CERKL: variants seen among roughly 807,000 people sequenced by gnomAD.
CERKL encodes the protein CERK like autophagy regulator.
In CERKL, 61 loss-of-function variants were observed where a neutral mutation model predicts 63.4. The ratio of observed to expected loss-of-function variants is 0.96; its 90% confidence interval spans 0.78 to 1.19. The LOEUF (loss-of-function observed/expected upper bound fraction) is 1.19. Among genes scored for constraint, CERKL ranks in the 50% most tolerant of loss-of-function variants. The probability of loss-of-function intolerance (pLI) is 0.00; values close to 1 mark genes in which losing one functional copy is unlikely to be tolerated. For synonymous variants in CERKL, 250 were observed against 230.5 expected (o/e 1.08, Z -0.77); for missense variants, 675 against 655.5 (o/e 1.03, Z -0.33).
At chr2:181,592,228 G>A (rs562646336) in intron 2 of CERKL, among the ~76,000 whole-genome samples, 159 of 152,116 alleles carry the variant, frequency 1.0e-3, no homozygotes, top group Non-Finnish European at 1.6e-3. Context: ...CTGATTTAAT[G>A]TTATAAACAT....
intron 8 of CERKL, 77 bp downstream of exon 8, chr2:181,548,468 G>C: frequency 9.3e-7 from 1 of 1,074,964 alleles, no homozygotes; most frequent in South Asian, 1.3e-5. Context: ...AAGATCCTAA[G>C]TCTGATCAAT....
At chr2:181,566,815 G>A (rs1332246823) in intron 3 of CERKL, among the ~76,000 whole-genome samples, 1 of 152,102 alleles carries the variant, frequency 6.6e-6, no homozygotes, top group Non-Finnish European at 1.5e-5. Flanking sequence ...CACTGCAGAT[G>A]GCACCAAGCA....
chr2:181,603,143 C>A, intron 2 of CERKL: 1 of 262,508 alleles, frequency 3.8e-6, no homozygotes, highest in Admixed American at 3.9e-5. Flanking sequence ...AGGTAATTCT[C>A]AATTACCAGA....
intron 1 of CERKL, among the ~76,000 whole-genome samples, chr2:181,647,438 C>T (rs1322769220): frequency 6.6e-6 from 1 of 152,186 alleles, no homozygotes; most frequent in African/African-American, 2.4e-5. Context: ...CATGACATGC[C>T]TGTCCCTAGC....
chr2:181,641,662 G>A (rs1349121184), intron 1 of CERKL, among the ~76,000 whole-genome samples: 1 of 152,130 alleles, frequency 6.6e-6, no homozygotes, highest in Non-Finnish European at 1.5e-5. Context: ...AACTTGGGAA[G>A]AAAGTAAACA....
chr2:181,552,507 G>T (rs1027980453), intron 5 of CERKL, among the ~76,000 whole-genome samples: 1 of 152,136 alleles, frequency 6.6e-6, no homozygotes, highest in Non-Finnish European at 1.5e-5. Flanking sequence ...CACCATGGTT[G>T]TAAGTTTCCT....
intron 1 of CERKL, among the ~76,000 whole-genome samples, chr2:181,619,428 T>G (rs528826577): frequency 6.6e-6 from 1 of 152,238 alleles, no homozygotes; most frequent in East Asian, 1.9e-4. Context: ...CTCCTGAGCC[T>G]CAGATTATGG....
intron 2 of CERKL, among the ~76,000 whole-genome samples, chr2:181,602,298 T>C (rs1685490091): frequency 1.3e-5 from 2 of 152,176 alleles, no homozygotes; most frequent in Non-Finnish European, 2.9e-5. Flanking sequence ...AAATGACATA[T>C]CCTTATTTTA....
chr2:181,554,776 G>A (rs1245367524), intron 5 of CERKL, among the ~76,000 whole-genome samples: 1 of 152,064 alleles, frequency 6.6e-6, no homozygotes, highest in Non-Finnish European at 1.5e-5. Context: ...GAGGCAAATG[G>A]CTTCAAAGGC....
chr2:181,650,105 G>T (rs1238403863), intron 1 of CERKL: 1 of 67,530 alleles, frequency 1.5e-5, no homozygotes, highest in Non-Finnish European at 2.8e-5. Flanking sequence ...GAGGGAGGGA[G>T]GGAGGGAGGA....
intron 4 of CERKL, among the ~76,000 whole-genome samples, chr2:181,562,535 G>T (rs1688492579): frequency 6.6e-6 from 1 of 152,044 alleles, no homozygotes; most frequent in Admixed American, 6.6e-5. Flanking sequence ...AAGGCAAAAA[G>T]CAAAGTATTC....
At chr2:181,640,962 A>G (rs1460587123) in intron 1 of CERKL, among the ~76,000 whole-genome samples, 1 of 152,172 alleles carries the variant, frequency 6.6e-6, no homozygotes, top group Non-Finnish European at 1.5e-5. Context: ...AGGGTCCACA[A>G]AAGTAGATCA....
chr2:181,551,904 T>C (rs1362081687), intron 5 of CERKL, among the ~76,000 whole-genome samples: 1 of 152,214 alleles, frequency 6.6e-6, no homozygotes, highest in African/African-American at 2.4e-5. Flanking sequence ...CAAACATTTC[T>C]AATTTTGTAG....
rs1193908052 is a variant in CERKL at position 181,558,973 on chromosome 2, C to A, written c.678-265G>T. Among the ~76,000 whole-genome samples, 5 of 152,114 alleles carry A rather than the reference C, an allele frequency of 3.3e-5. No individual in the cohort carries two copies. Among genetic ancestry groups the A allele is most frequent in the African/African-American group, 9.7e-5 (4 of 41,442 alleles). ...GTTAAGAGATATGAAAACTTTTGAA[C>A]ATGTTAATTCACATCTGACCAGCGT... On this transcript the variant is annotated intron_variant, in intron 4 of 12. Transcript: ENST00000410087. The surrounding 1 kb of genome is among the most constrained non-coding windows in gnomAD (Gnocchi z 4.2).
rs534987600 is a variant in CERKL, at chr2:181,581,128, G to A, written c.482-7244C>T. On this transcript the variant is annotated intron_variant, in intron 2 of 12. Transcript: ENST00000410087. The stretch of plus-strand genomic sequence containing the variant: ...ATCAAAATTAATCATCTTTGCCAGC[G>A]TAGCATCTTCATTTTTTTCATTTGT... Among the ~76,000 whole-genome samples, 110 of 152,174 alleles carry A rather than the reference G, an allele frequency of 7.2e-4. 1 individual carries two copies. Among genetic ancestry groups the A allele is most frequent in the Non-Finnish European group, 1.3e-3 (89 of 68,012 alleles).
chr2:181,594,395 T>A (rs1685114636), intron 2 of CERKL, among the ~76,000 whole-genome samples: 1 of 152,158 alleles, frequency 6.6e-6, no homozygotes, highest in African/African-American at 2.4e-5. Flanking sequence ...TTGCAGAGGA[T>A]CACCTGGTTT....
chr2:181,564,264 C>T (rs1412754528), intron 4 of CERKL, among the ~76,000 whole-genome samples: 4 of 152,068 alleles, frequency 2.6e-5, no homozygotes, highest in East Asian at 1.9e-4. Flanking sequence ...TCTGCAGTCT[C>T]GGAGTTGGGG....
intron 5 of CERKL, among the ~76,000 whole-genome samples, chr2:181,551,469 G>GA (rs1270989867): frequency 6.6e-6 from 1 of 151,078 alleles, no homozygotes; most frequent in South Asian, 2.1e-4. Context: ...ATATTTATAA[G>GA]AAAAAAAAAT....
intron 2 of CERKL, among the ~76,000 whole-genome samples, chr2:181,599,965 A>G (rs530309657): frequency 7.2e-5 from 11 of 152,304 alleles, no homozygotes; most frequent in African/African-American, 2.4e-4. Flanking sequence ...GGGCCAAATT[A>G]CCTATAAAGG....
Sources: allele counts gnomAD v4.1 joint callset (sites outside exome capture counted in the v4.1 genomes callset), GRCh38; gene constraint gnomAD v4.1.1; non-coding constraint Gnocchi (gnomAD v3.1); transcripts MANE v1.5; gene names NCBI Gene and HGNC (gene_info 2026-07-23, HGNC 2026-07-21).